The following MYH7B variants were observed in gnomAD, a reference collection of about 807,000 sequenced individuals.
MYH7B encodes myosin-7B.
Under a neutral mutation model 234.5 loss-of-function variants are expected in MYH7B, and 205 were observed. The observed-to-expected ratio is 0.87, with a 90% CI of 0.78 to 0.98. The LOEUF (loss-of-function observed/expected upper bound fraction) is 0.98. Ranked by LOEUF, MYH7B falls within the 50% of genes least tolerant of loss-of-function variation. The pLI is 0.00. For missense variants in MYH7B, 2,652 were observed against 2,633.4 expected (o/e 1.01, Z -0.15); for synonymous variants, 1,193 against 1,105.0 (o/e 1.08, Z -1.58).
exon 39 of MYH7B, chr20:35,000,402 G>C: frequency 6.2e-7 from 1 of 1,600,506 alleles, no homozygotes; most frequent in African/African-American, 1.3e-5. Context: ...TGACCTCAAC[G>C]ACCTGGAGCT....
At chr20:34,980,990 C>T (rs2081933903) in intron 8 of MYH7B, 43 bp from the exon 9 acceptor site, 1 of 1,613,864 alleles carries the variant, frequency 6.2e-7, no homozygotes, top group Non-Finnish European at 8.5e-7. Flanking sequence ...GTGGCTGGCC[C>T]CACACCTTGG....
At chr20:34,989,960 C>T (rs1236891139) in intron 20 of MYH7B, 41 bp downstream of exon 20, 1 of 1,613,150 alleles carries the variant, frequency 6.2e-7, no homozygotes, top group African/African-American at 1.3e-5. Context: ...CCAGGCTCCT[C>T]CCGCCCTGCT....
chr20:34,991,017 C>A (rs545534265), exon 24 of MYH7B: 1 of 1,612,856 alleles, frequency 6.2e-7, no homozygotes, highest in Non-Finnish European at 8.5e-7. Flanking sequence ...TCATGGATGC[C>A]TTCTTGGTGC....
At chr20:35,000,232 G>A in intron 38 of MYH7B, 61 bp from the exon 39 acceptor site, 1 of 1,502,686 alleles carries the variant, frequency 6.7e-7, no homozygotes, top group South Asian at 1.3e-5. Flanking sequence ...CGGTCCTTGG[G>A]CATTTGTAAG....
exon 32 of MYH7B, chr20:34,997,448 G>A: frequency 1.3e-6 from 2 of 1,483,244 alleles, no homozygotes; most frequent in East Asian, 2.7e-5. Flanking sequence ...GGCGGGAGCT[G>A]GAGGAGGCGG....
rs774170683 is a variant in MYH7B, at chr20:34,988,118, C to T, written c.1443C>T (p.Ile481=). 6.8e-6 allele frequency: 11 copies of T among 1,613,906 alleles called. No homozygotes were observed. The East Asian group carries it at 2.2e-4, about 33-fold the overall frequency. The change falls in exon 19 of 45, where the codon ATC becomes ATT. Residue 481 remains isoleucine, a synonymous_variant. Coordinates refer to ENST00000262873, the Ensembl canonical transcript of MYH7B. ...TCAACAGCTTCGAACAGCTGTGCAT[C>T]AACTTCACCAATGAGAAATTGCAGC... is the stretch of plus-strand genomic sequence containing the variant.
At chr20:34,998,413 C>G in exon 33 of MYH7B, 1 of 1,613,292 alleles carries the variant, frequency 6.2e-7, no homozygotes, top group Non-Finnish European at 8.5e-7. Flanking sequence ...CGACTACAGA[C>G]GGAAAGCGGT....
At chr20:34,997,315 A>G (rs1569059297) in exon 32 of MYH7B, 1 of 1,551,858 alleles carries the variant, frequency 6.4e-7, no homozygotes, top group Non-Finnish European at 8.7e-7. Context: ...CGCGTGGAGA[A>G]GCAGCGTGCA....
At chr20:34,961,119 G>A (rs920719403) in intron 2 of MYH7B, among the ~76,000 whole-genome samples, 10 of 152,112 alleles carry the variant, frequency 6.6e-5, no homozygotes, top group Admixed American at 3.3e-4. Context: ...CATTTCATCC[G>A]TGAGGACACA....
At chr20:34,977,388 C>T (rs1010369335) in intron 3 of MYH7B, among the ~76,000 whole-genome samples, 2 of 152,046 alleles carry the variant, frequency 1.3e-5, no homozygotes, top group African/African-American at 4.8e-5. Flanking sequence ...GTGAGCTCTT[C>T]AGTCTCCTGA....
exon 24 of MYH7B, chr20:34,991,011 G>A: frequency 1.2e-6 from 2 of 1,612,332 alleles, no homozygotes; most frequent in Non-Finnish European, 1.7e-6. Context: ...CAGGGGTCAT[G>A]GATGCCTTCT....
Position 35,001,150 on chromosome 20 carries a change from G to A in MYH7B, c.5467G>A (p.Glu1823Lys), listed in dbSNP as rs199823358. Reference sequence around the variant, plus strand: ...CGGGAAGAAGCAGGTGCAGAAGCTGGAGGCCAAGGTGTGTGCAGCCCCTCT... The same window carrying A: ...CGGGAAGAAGCAGGTGCAGAAGCTGAAGGCCAAGGTGTGTGCAGCCCCTCT... The change falls in exon 41 of 45, where the codon GAG (glutamate) becomes AAG (lysine). Residue 1823 changes from glutamate to lysine, a missense_variant. Physicochemically the swap from Glu to Lys is moderately conservative, Grantham distance 56. Coordinates refer to ENST00000262873, the Ensembl canonical transcript of MYH7B. The A allele has an allele frequency of 7.7e-4, 1,242 of 1,613,638 alleles. 2 individuals carry two copies. The highest frequency in any genetic ancestry group is 9.9e-4 in the Non-Finnish European group (1,172 of 1,179,890).
rs540457548 is a variant in MYH7B at position 34,987,975 on chromosome 20, G to T, written c.1416+61G>T. On this transcript the variant is annotated intron_variant, in intron 18 of 44. Coordinates refer to ENST00000262873, the Ensembl canonical transcript of MYH7B. Reference sequence around the variant, plus strand: ...CCAAGGTAGAGGACATGGGCCTGTGGGGGGGCAGAAGCCCTGGCCTTCTGC... The same window carrying T: ...CCAAGGTAGAGGACATGGGCCTGTGTGGGGGCAGAAGCCCTGGCCTTCTGC... The T allele has an allele frequency of 5.4e-4, 838 of 1,557,596 alleles. 7 individuals carry two copies. In the Middle Eastern group the frequency reaches 7.7e-3, roughly 14 times the overall value.
exon 7 of MYH7B, chr20:34,979,666 G>C: frequency 1.2e-6 from 2 of 1,614,170 alleles, no homozygotes; most frequent in Non-Finnish European, 1.7e-6. Flanking sequence ...GGTAGGTGCT[G>C]ATGGTGCGTG....
rs1186513548 is a variant in MYH7B at position 34,996,680 on chromosome 20, A to G, written c.3188A>G (p.Glu1063Gly). 4 of 1,613,510 alleles carry G rather than the reference A, an allele frequency of 2.5e-6. No homozygotes were observed. The highest frequency in any genetic ancestry group is 3.4e-6 in the Non-Finnish European group (4 of 1,180,002). ...ACGGAGCGGGCCAAGCGCAAGCTGG[A>G]GGGTGACCTGAAGCTGACGCAGGAG... Residue 1063 changes from glutamate (E) to glycine (G), a missense_variant, in exon 30 of 45, where the codon GAG (glutamate) becomes GGG (glycine). Physicochemically the swap from Glu to Gly is moderately conservative, Grantham distance 98 (BLOSUM62 -2). Transcript: ENST00000262873.
chr20:34,994,735 G>A (rs1166247162), intron 27 of MYH7B, among the ~76,000 whole-genome samples: 6 of 152,244 alleles, frequency 3.9e-5, no homozygotes, highest in Non-Finnish European at 5.9e-5. Flanking sequence ...CAGGTAACAG[G>A]GTGATAGCCA....
intron 24 of MYH7B, 92 bp from the exon 25 acceptor site, chr20:34,993,010 C>T: frequency 6.7e-7 from 1 of 1,493,164 alleles, no homozygotes; most frequent in Non-Finnish European, 9.1e-7. Flanking sequence ...CTGCTACCCA[C>T]ACGAGCCTCC....
rs1362912460 is a variant in MYH7B, at chr20:34,990,735, CAGG to C, written c.1978_1980del (p.Glu660del). ...CCTTTCCCTCACTCTTCCCCACTGC[CAGG>C]AGAACCTCAACAAGCTGATGACCAA... On this transcript the variant is annotated splice_acceptor_variant and coding_sequence_variant, in exon 23 of 45. Transcript: ENST00000262873. LOFTEE classifies it high-confidence loss of function. 6.2e-6 allele frequency: 10 copies of C among 1,614,114 alleles called. No homozygotes were observed. The highest frequency in any genetic ancestry group is 1.1e-5 in the South Asian group (1 of 91,082).
chr20:34,999,549 C>T, intron 36 of MYH7B, 22 bp from the exon 37 acceptor site: 2 of 1,580,348 alleles, frequency 1.3e-6, no homozygotes, highest in African/African-American at 1.3e-5. Flanking sequence ...GGGGTGGCCT[C>T]TCAGCACCCT....
Sources: allele counts gnomAD v4.1 joint callset (sites outside exome capture counted in the v4.1 genomes callset), GRCh38; gene constraint gnomAD v4.1.1; transcripts MANE v1.5; gene names NCBI Gene and HGNC (gene_info 2026-07-23, HGNC 2026-07-21).